LCN12: variants seen among roughly 807,000 people sequenced by gnomAD.
The protein encoded by LCN12 is lipocalin 12.
In LCN12, 15 loss-of-function variants were observed where a neutral mutation model predicts 23.7. The observed-to-expected ratio is 0.63, with a 90% CI of 0.42 to 0.97. The LOEUF is 0.97. Among genes scored for constraint, LCN12 ranks in the 50% least tolerant of loss-of-function variants. LCN12 has a pLI of 0.00. For missense variants in LCN12, 219 were observed against 249.6 expected, an observed-to-expected ratio of 0.88 and a Z score of 0.83; for synonymous variants, 116 against 111.5, an observed-to-expected ratio of 1.04 and a Z score of -0.25.
At position 136,953,793 on chromosome 9, in the gene LCN12, A is replaced by T. The variant is rs1254267840; in HGVS notation, c.331+14A>T. The T allele has an allele frequency of 6.2e-7, 1 of 1,604,328 alleles. No homozygotes were observed. The highest frequency in any genetic ancestry group is 8.5e-7 in the Non-Finnish European group (1 of 1,175,844). Reference sequence around the variant, plus strand: ...ACCACGGTGTGGGTAAGCCAGTCACAGGAGGGAGGGACGGGGTGCTGGCCC... The same window carrying T: ...ACCACGGTGTGGGTAAGCCAGTCACTGGAGGGAGGGACGGGGTGCTGGCCC... On this transcript the variant is annotated intron_variant, in intron 3 of 5. Transcript: ENST00000371633.
upstream of LCN12, among the ~76,000 whole-genome samples, chr9:136,951,840 A>T (rs13301994): frequency 1.3e-5 from 2 of 152,018 alleles, no homozygotes; most frequent in African/African-American, 4.8e-5. Flanking sequence ...GGGTGGGGGT[A>T]GGGGGGCGGC....
chr9:136,953,936 G>T lies in LCN12; in HGVS notation c.420G>T (p.Arg140Ser). The T allele has an allele frequency of 6.2e-7, 1 of 1,610,996 alleles. No individual in the cohort carries two copies. The highest frequency in any genetic ancestry group is 8.5e-7 in the Non-Finnish European group (1 of 1,179,802). ...TGCTGTCCCGCAGACACACGAGCAG[G>T]CTGGCCGTCCTCAGGATCAGCCTGC... ...ALMLSRRHTS[R>S]LAVLRISLLG... Residue 140 changes from arginine to serine, a missense_variant, in exon 4 of 6, where the codon AGG becomes AGT. By Grantham distance (110) the Arg-to-Ser change is moderately radical. Coordinates refer to ENST00000371633, the MANE Select transcript of LCN12 (RefSeq NM_178536.4).
chr9:136,952,483 TGA>T, intron 1 of LCN12, 42 bp downstream of exon 1: 1 of 1,394,928 alleles, frequency 7.2e-7, no homozygotes, highest in Non-Finnish European at 1.0e-6. Context: ...CGGCTGGGTC[TGA>T]GTGCAGGGAG....
Position 136,954,253 on chromosome 9 carries a change from C to G in LCN12, c.548C>G (p.Thr183Ser). ...GACAACATCGTCTTCCCAGATGTGA[C>G]TGGTAACATGGTTCACCTGCAGGCA... The part of the protein sequence containing the change: ...SDDNIVFPDV[T>S]GWSPQASVC The change falls in exon 5 of 6, where the codon ACT (threonine) becomes AGT (serine). Residue 183 changes from threonine to serine, a missense_variant and splice_region_variant. Thr to Ser is a moderately conservative substitution (Grantham distance 58). Coordinates refer to ENST00000371633, the MANE Select transcript of LCN12 (RefSeq NM_178536.4). 6.4e-7 allele frequency: 1 copy of G among 1,565,162 alleles called. No homozygotes were observed.
At chr9:136,949,668 G>T (rs1851102480), upstream of LCN12, 1 of 152,838 alleles carries the variant, frequency 6.5e-6, no homozygotes, top group South Asian at 2.1e-4. Flanking sequence ...AGCAGTGGAG[G>T]GTAAGTCTGT....
At chr9:136,950,751 C>G (rs547682357), upstream of LCN12, among the ~76,000 whole-genome samples, 2 of 152,306 alleles carry the variant, frequency 1.3e-5, no homozygotes, top group African/African-American at 4.8e-5. Flanking sequence ...CCTCCTGAAA[C>G]GCTAGCGTTG....
rs1306301843 is a variant in LCN12, at chr9:136,954,139, C to A, written c.449-15C>A. ...GCCAAGTGCACAGACCCATGCTGGGCTCCCTGGGCTGCAGGCAGGAGCTGG... is the reference window on the plus strand; with the variant it reads ...GCCAAGTGCACAGACCCATGCTGGGATCCCTGGGCTGCAGGCAGGAGCTGG... On this transcript the variant is annotated splice_polypyrimidine_tract_variant and intron_variant, in intron 4 of 5. Transcript: ENST00000371633. The A allele has an allele frequency of 2.2e-5, 34 of 1,539,460 alleles. No homozygotes were observed. Among genetic ancestry groups the A allele is most frequent in the Non-Finnish European group, 2.7e-5 (31 of 1,140,560 alleles).
At chr9:136,953,276 T>C (rs2131376297) in intron 2 of LCN12, among the ~76,000 whole-genome samples, 1 of 151,344 alleles carries the variant, frequency 6.6e-6, no homozygotes, top group South Asian at 2.1e-4. Context: ...ATCCCAGCAC[T>C]TCCGGGGCTG....
Position 136,953,736 on chromosome 9 carries a change from A to G in LCN12, c.288A>G (p.Ile96Met). The G allele has an allele frequency of 1.9e-6, 3 of 1,605,148 alleles. No homozygotes were observed. Among genetic ancestry groups the G allele is most frequent in the Non-Finnish European group, 1.7e-6 (2 of 1,176,140 alleles). Reference protein sequence around the residue: ...QHCDTWSYVLIPAAQPGQFTV... With the variant: ...QHCDTWSYVLMPAAQPGQFTV... Reference sequence around the variant, plus strand: ...GTGACACATGGTCTTATGTGCTGATACCGGCAGCCCAGCCTGGGCAGTTCA... The same window carrying G: ...GTGACACATGGTCTTATGTGCTGATGCCGGCAGCCCAGCCTGGGCAGTTCA... The change falls in exon 3 of 6, where the codon ATA (isoleucine) becomes ATG (methionine). Residue 96 changes from isoleucine (I) to methionine (M), a missense_variant. Ile to Met is a conservative substitution (Grantham distance 10). Transcript: ENST00000371633.
At chr9:136,954,942 G>A (rs1208391649) in intron 5 of LCN12, 8 of 1,254,470 alleles carry the variant, frequency 6.4e-6, no homozygotes, top group Middle Eastern at 3.4e-4. Flanking sequence ...ATGAGCAAAC[G>A]TGTACAGACT....
chr9:136,954,947 C>T, intron 5 of LCN12: 1 of 1,261,676 alleles, frequency 7.9e-7, no homozygotes, highest in African/African-American at 1.5e-5. Context: ...CAAACGTGTA[C>T]AGACTGGCAC....
chr9:136,952,765 C>T, intron 1 of LCN12, 127 bp from the exon 2 acceptor site: 1 of 1,140,332 alleles, frequency 8.8e-7, no homozygotes, highest in Non-Finnish European at 1.2e-6. Context: ...GTCCCTGGCG[C>T]CGGCCCAGCC....
upstream of LCN12, among the ~76,000 whole-genome samples, chr9:136,950,104 A>G (rs1457367878): frequency 6.6e-6 from 1 of 152,158 alleles, no homozygotes; most frequent in East Asian, 1.9e-4. Context: ...CCAGCCAGGC[A>G]AAGGCACCTG....
At chr9:136,955,228 T>A in intron 5 of LCN12, 143 bp from the exon 6 acceptor site, 3 of 1,455,284 alleles carry the variant, frequency 2.1e-6, no homozygotes, top group Non-Finnish European at 1.8e-6. Flanking sequence ...CCCCTTCCCC[T>A]AGACCCACTG....
chr9:136,953,370 CCGGGCGCGGTCGCG>C (rs1851217639), intron 2 of LCN12: 8 of 93,518 alleles, frequency 8.6e-5, no homozygotes, highest in South Asian at 2.6e-4. Context: ...ACTTTGGGGG[CCGGGCGCGGTCGCG>C]CACACCTGTA....
chr9:136,954,247 A>G lies in LCN12; in HGVS notation c.542A>G (p.Asp181Gly). Residue 181 changes from aspartate (D) to glycine (G), a missense_variant, in exon 5 of 6, where the codon GAT becomes GGT. By Grantham distance (94) the Asp-to-Gly change is moderately conservative (BLOSUM62 -1). Coordinates refer to ENST00000371633, the MANE Select transcript of LCN12 (RefSeq NM_178536.4). ...TCGGATGACAACATCGTCTTCCCAG[A>G]TGTGACTGGTAACATGGTTCACCTG... is the stretch of plus-strand genomic sequence containing the variant. ...GLSDDNIVFP[D>G]VTGWSPQASV... 6.4e-7 allele frequency: 1 copy of G among 1,567,990 alleles called. No homozygotes were observed. The highest frequency in any genetic ancestry group is 1.2e-5 in the South Asian group (1 of 85,228).
chr9:136,954,971 C>G, intron 5 of LCN12: 3 of 1,300,082 alleles, frequency 2.3e-6, no homozygotes, highest in Non-Finnish European at 3.0e-6. Context: ...CCTCCACATG[C>G]GAACACCCAC....
chr9:136,954,755 G>A (rs918881259), intron 5 of LCN12: 2 of 1,291,368 alleles, frequency 1.5e-6, no homozygotes, highest in Admixed American at 2.3e-5. Context: ...GCCTGCCCTG[G>A]GTGGCAGCCC....
chr9:136,953,144 TCTGC>T (rs1315531819), intron 2 of LCN12, 116 bp downstream of exon 2: 4 of 1,406,650 alleles, frequency 2.8e-6, no homozygotes, highest in Admixed American at 3.8e-5. Context: ...GCTTCATGAC[TCTGC>T]CTGCCAATGA....
Sources: gnomAD v4.1 joint callset for allele counts (sites outside exome capture counted in the v4.1 genomes callset) on GRCh38, gnomAD v4.1.1 for gene constraint, MANE v1.5 for transcripts, NCBI Gene and HGNC (gene_info 2026-07-23, HGNC 2026-07-21) for gene names.